The following PRAG1 variants were observed in gnomAD, a reference collection of about 807,000 sequenced individuals.
PRAG1 encodes the protein PEAK1 related, kinase-activating pseudokinase 1, also known as inactive tyrosine-protein kinase PRAG1.
A neutral mutation model predicts 95.6 loss-of-function variants in PRAG1; 110 were observed. The observed-to-expected ratio is 1.15, with a 90% confidence interval of 0.99 to 1.35. The LOEUF (loss-of-function observed/expected upper bound fraction) is 1.35, where lower values mean the gene tolerates loss of function less well. Among genes scored for constraint, PRAG1 ranks in the 40% most tolerant of loss-of-function variants. The pLI is 0.00. For missense variants in PRAG1, 2,554 were observed against 1,864.7 expected (o/e 1.37, Z -6.81); for synonymous variants, 1,052 against 819.4 (o/e 1.28, Z -4.85).
chr8:8,359,917 C>T (rs1330646757), intron 3 of PRAG1, among the ~76,000 whole-genome samples: 1 of 152,248 alleles, frequency 6.6e-6, no homozygotes, highest in African/African-American at 2.4e-5. Flanking sequence ...GTATACAAGT[C>T]GATTGATCTT....
intron 3 of PRAG1, among the ~76,000 whole-genome samples, chr8:8,346,054 C>G (rs755179844): frequency 3.3e-5 from 5 of 152,184 alleles, no homozygotes; most frequent in Non-Finnish European, 5.9e-5. Context: ...CTTACTATTG[C>G]AATGATGACT....
intron 3 of PRAG1, among the ~76,000 whole-genome samples, chr8:8,347,456 C>G (rs1351333666): frequency 6.6e-6 from 1 of 152,224 alleles, no homozygotes; most frequent in South Asian, 2.1e-4. Context: ...TTATTTGGCT[C>G]CATGATTCAA....
intron 5 of PRAG1, among the ~76,000 whole-genome samples, chr8:8,326,354 A>C (rs954448331): frequency 6.6e-6 from 1 of 151,946 alleles, no homozygotes. Context: ...CACCAAGGCC[A>C]TTTCAAATTA....
chr8:8,362,287 T>A (rs1319501073), intron 3 of PRAG1, among the ~76,000 whole-genome samples: 1 of 152,156 alleles, frequency 6.6e-6, no homozygotes, highest in Non-Finnish European at 1.5e-5. Flanking sequence ...CTTGTCACCA[T>A]CCACACAAGC....
chr8:8,357,292 C>G (rs900716875), intron 3 of PRAG1, among the ~76,000 whole-genome samples: 1 of 152,170 alleles, frequency 6.6e-6, no homozygotes, highest in East Asian at 1.9e-4. Flanking sequence ...ATCTGATAAG[C>G]GGTTAATATC....
chr8:8,361,601 T>C (rs899522284), intron 3 of PRAG1, among the ~76,000 whole-genome samples: 2 of 152,238 alleles, frequency 1.3e-5, no homozygotes, highest in Non-Finnish European at 2.9e-5. Flanking sequence ...GCATAGAGCA[T>C]AATCAATCTA....
intron 4 of PRAG1, 144 bp downstream of exon 4, chr8:8,339,334 G>C (rs545699337): frequency 1.2e-6 from 1 of 837,482 alleles, no homozygotes; most frequent in African/African-American, 1.7e-5. Context: ...GACTTCAACA[G>C]CTCCCTGGAA....
chr8:8,359,791 T>A (rs975852977), intron 3 of PRAG1, among the ~76,000 whole-genome samples: 1 of 152,216 alleles, frequency 6.6e-6, no homozygotes, highest in Non-Finnish European at 1.5e-5. Context: ...TCTATCGCAG[T>A]TAACAAATTT....
At position 8,327,987 on chromosome 8, in the gene PRAG1, C is replaced by G; in HGVS notation, c.2795G>C (p.Gly932Ala). The G allele has an allele frequency of 2.5e-6, 4 of 1,596,264 alleles. No homozygotes were observed. Among genetic ancestry groups the G allele is most frequent in the Non-Finnish European group, 2.6e-6 (3 of 1,170,008 alleles). The change falls in exon 5 of 6, where the codon GGG (glycine) becomes GCG (alanine). Residue 932 changes from glycine (G) to alanine (A), a missense_variant. By Grantham distance (60) the Gly-to-Ala change is moderately conservative (BLOSUM62 0). Coordinates refer to ENST00000615670, the MANE Select transcript of PRAG1 (RefSeq NM_001080826.3). ...ACCGTGCAGCTGAAGCTGGGTGCTC[C>G]CGGTGGAGGCTTGACTGGACACGCT... is the stretch of plus-strand genomic sequence containing the variant. ...QLSVSSQAST[G>A]STQLQLHGLL...
chr8:8,375,550 A>C (rs1474047030), intron 3 of PRAG1, among the ~76,000 whole-genome samples: 1 of 151,998 alleles, frequency 6.6e-6, no homozygotes, highest in East Asian at 1.9e-4. Context: ...CCACATGTAA[A>C]ACTTCCTCTT....
At chr8:8,322,374 G>T (rs1443127027) in intron 5 of PRAG1, among the ~76,000 whole-genome samples, 1 of 152,040 alleles carries the variant, frequency 6.6e-6, no homozygotes, top group Non-Finnish European at 1.5e-5. Flanking sequence ...TAGAGACAGG[G>T]TTTCACCATG....
rs145333992 is a variant in PRAG1 at position 8,378,253 on chromosome 8, C to T, written c.331-175G>A. ...CCCACCTTCTCATCTCCCCACGGCC[C>T]TGTGATCATTGCTGGGGCACCCGCT... On this transcript the variant is annotated intron_variant, in intron 2 of 5. Transcript: ENST00000615670. Among the ~76,000 whole-genome samples, 1,020 of 152,326 alleles carry T rather than the reference C, an allele frequency of 6.7e-3. 8 individuals are homozygous for T. Among genetic ancestry groups the T allele is most frequent in the Non-Finnish European group, 0.011 (727 of 68,026 alleles).
Position 8,319,173 on chromosome 8 carries a change from C to G in PRAG1, c.3202G>C (p.Ala1068Pro), listed in dbSNP as rs756549182. The change falls in exon 6 of 6, where the codon GCG becomes CCG. Residue 1068 changes from alanine to proline, a missense_variant. Transcript: ENST00000615670. ...AGGGCAGGCACAGGGTCCTTGGGCGCGTCGGGGGAGCTGAGCATGCTGGAC... is the reference window on the plus strand; with the variant it reads ...AGGGCAGGCACAGGGTCCTTGGGCGGGTCGGGGGAGCTGAGCATGCTGGAC... ...VPSSMLSSPD[A>P]PKDPVPALPT... 1 of 1,602,696 alleles carries G rather than the reference C, an allele frequency of 6.2e-7. No homozygotes were observed. The highest frequency in any genetic ancestry group is 1.1e-5 in the South Asian group (1 of 90,092).
chr8:8,368,936 A>C (rs1800102179), intron 3 of PRAG1, among the ~76,000 whole-genome samples: 1 of 152,080 alleles, frequency 6.6e-6, no homozygotes, highest in Non-Finnish European at 1.5e-5. Flanking sequence ...AAAAAAAAAA[A>C]AGCAGGGTAA....
chr8:8,374,398 A>T (rs916319844), intron 3 of PRAG1, among the ~76,000 whole-genome samples: 1 of 152,186 alleles, frequency 6.6e-6, no homozygotes, highest in Non-Finnish European at 1.5e-5. Flanking sequence ...TTTTACTCTC[A>T]CGCCCTGCTC....
chr8:8,380,622 G>C (rs963828160), intron 2 of PRAG1, among the ~76,000 whole-genome samples: 35 of 152,022 alleles, frequency 2.3e-4, no homozygotes, highest in Non-Finnish European at 4.6e-4. Flanking sequence ...TTGGAAGGCC[G>C]AGGTGGGCAG....
intron 3 of PRAG1, among the ~76,000 whole-genome samples, chr8:8,366,599 C>T (rs764404924): frequency 1.3e-5 from 2 of 151,936 alleles, no homozygotes; most frequent in Non-Finnish European, 2.9e-5. Flanking sequence ...CAGATGTAAG[C>T]CACTGAGCCC....
intron 4 of PRAG1, 152 bp downstream of exon 4, chr8:8,339,326 C>G: frequency 1.3e-6 from 1 of 799,178 alleles, no homozygotes; most frequent in Non-Finnish European, 1.9e-6. Context: ...AGATAATTGA[C>G]TTCAACAGCT....
chr8:8,342,567 C>T (rs1322818902), intron 3 of PRAG1, among the ~76,000 whole-genome samples: 8 of 152,088 alleles, frequency 5.3e-5, no homozygotes, highest in Non-Finnish European at 1.2e-4. Flanking sequence ...CCCTGTAAAA[C>T]CATCAAGGAC....
Sources: allele counts gnomAD v4.1 joint callset (sites outside exome capture counted in the v4.1 genomes callset), GRCh38; gene constraint gnomAD v4.1.1; transcripts MANE v1.5; gene names NCBI Gene and HGNC (gene_info 2026-07-23, HGNC 2026-07-21).